EIF3J: variants seen among roughly 807,000 people sequenced by gnomAD.
EIF3J encodes eukaryotic translation initiation factor 3, subunit 1 (alpha, 35kD).
Under a neutral mutation model 39.0 loss-of-function variants are expected in EIF3J, and 15 were observed. The observed-to-expected ratio is 0.38, with a 90% CI of 0.26 to 0.59. The LOEUF is 0.59. Ranked by LOEUF, EIF3J falls within the 20% of genes least tolerant of loss-of-function variation. The probability of loss-of-function intolerance (pLI) is 0.60; values close to 1 mark genes in which losing one functional copy is unlikely to be tolerated. For missense variants in EIF3J, 226 were observed against 308.6 expected (o/e 0.73, Z 2.00); for synonymous variants, 98 against 112.9 (o/e 0.87, Z 0.84).
chr15:44,537,284 C>T, intron 1 of EIF3J, 40 bp from the exon 2 acceptor site: 2 of 1,565,564 alleles, frequency 1.3e-6, no homozygotes, highest in Middle Eastern at 1.7e-4. Flanking sequence ...GCCGGCCCCA[C>T]GCAGTGGCAG....
rs554000335 is a variant in EIF3J, at chr15:44,554,766, G to A, written c.409+99G>A. 3.7e-4 allele frequency: 238 copies of A among 641,128 alleles called. 1 individual carries two copies. Among genetic ancestry groups the A allele is most frequent in the Middle Eastern group, 3.4e-3 (13 of 3,814 alleles). The allele number at this position is 641,128 out of a possible 1,614,324, so 39.7% of individuals were successfully genotyped here. ...TCCTTTTCTTAAAAGAAACATACTG[G>A]CTAATGTAGATATTAGAAAGCAGTT... On this transcript the variant is annotated intron_variant, in intron 5 of 7. Coordinates refer to ENST00000261868, the MANE Select transcript of EIF3J (RefSeq NM_003758.4).
chr15:44,553,964 A>G (rs1417142898), intron 4 of EIF3J, among the ~76,000 whole-genome samples: 2 of 152,192 alleles, frequency 1.3e-5, no homozygotes, highest in African/African-American at 4.8e-5. Context: ...AAGGTTATAG[A>G]AGTAACCCCA....
chr15:44,556,483 A>G (rs1218204793), intron 5 of EIF3J, among the ~76,000 whole-genome samples: 1 of 152,068 alleles, frequency 6.6e-6, no homozygotes, highest in East Asian at 1.9e-4. Context: ...CGAGGGCTAC[A>G]GGTGAATATC....
intron 6 of EIF3J, among the ~76,000 whole-genome samples, chr15:44,558,173 G>T (rs1417304838): frequency 1.3e-5 from 2 of 152,204 alleles, no homozygotes; most frequent in African/African-American, 4.8e-5. Context: ...ACAGCCATGG[G>T]TGGTGAAGCA....
intron 4 of EIF3J, among the ~76,000 whole-genome samples, chr15:44,553,200 A>G (rs1276729335): frequency 6.6e-6 from 1 of 151,930 alleles, no homozygotes; most frequent in African/African-American, 2.4e-5. Flanking sequence ...CAAAAAAAAA[A>G]AGAAGAAAAC....
intron 2 of EIF3J, among the ~76,000 whole-genome samples, chr15:44,543,716 T>C (rs1410013136): frequency 6.6e-6 from 1 of 152,138 alleles, no homozygotes; most frequent in Non-Finnish European, 1.5e-5. Context: ...CTGGCCAGAA[T>C]CACTTCTTTT....
At chr15:44,560,177 G>C (rs1761145493) in intron 6 of EIF3J, 72 bp from the exon 7 acceptor site, 1 of 1,210,486 alleles carries the variant, frequency 8.3e-7, no homozygotes, top group East Asian at 2.3e-5. Context: ...TATATGGAAT[G>C]TACATATTTA....
Position 44,561,007 on chromosome 15 carries a change from T to TTCA in EIF3J, c.646-8_646-6dup. 1 of 1,612,596 alleles carries TTCA rather than the reference T, an allele frequency of 6.2e-7. No individual in the cohort carries two copies. The highest frequency in any genetic ancestry group is 8.5e-7 in the Non-Finnish European group (1 of 1,179,560). On this transcript the variant is annotated splice_polypyrimidine_tract_variant and intron_variant, in intron 7 of 7. Coordinates refer to ENST00000261868, the MANE Select transcript of EIF3J (RefSeq NM_003758.4). Reference sequence around the variant, plus strand: ...ACTAAGGTTCATGAATTAACTCTCTTTCATCTTTAGCAAAGCAAAGCCAAA... The same window carrying TTCA: ...ACTAAGGTTCATGAATTAACTCTCTTTCATCATCTTTAGCAAAGCAAAGCCAAA...
At chr15:44,548,871 T>C (rs2082075297) in intron 2 of EIF3J, among the ~76,000 whole-genome samples, 1 of 152,208 alleles carries the variant, frequency 6.6e-6, no homozygotes, top group Non-Finnish European at 1.5e-5. Context: ...ACATGAACTT[T>C]GGAGGACACA....
chr15:44,560,502 T>C (rs1708970609), intron 7 of EIF3J, 180 bp downstream of exon 7: 1 of 547,768 alleles, frequency 1.8e-6, no homozygotes, highest in South Asian at 3.1e-5. Flanking sequence ...CCAGACATGT[T>C]CCCCTTTTCT....
Position 44,562,311 on chromosome 15 carries a change from AC to A in EIF3J, c.*1164del, listed in dbSNP as rs1310030401. 1 of 152,600 alleles carries A rather than the reference AC, an allele frequency of 6.6e-6. No individual in the cohort carries two copies. The highest frequency in any genetic ancestry group is 1.9e-4 in the East Asian group (1 of 5,200). The allele number at this position is 152,600 out of a possible 1,614,324, so 9.5% of individuals were successfully genotyped here. A position where few individuals can be genotyped will look rare whatever the true frequency, so the allele number is the denominator to read the frequency against. On this transcript the variant is annotated 3_prime_UTR_variant, in exon 8 of 8. Coordinates refer to ENST00000261868, the MANE Select transcript of EIF3J (RefSeq NM_003758.4). ...GGGGACATTATTTTGTTATTTAGAT[AC>A]CAAGGCCTAATTAATTAAGTACCTA...
intron 2 of EIF3J, among the ~76,000 whole-genome samples, chr15:44,547,443 T>C (rs1207985347): frequency 7.2e-6 from 1 of 139,630 alleles, no homozygotes; most frequent in African/African-American, 2.8e-5. Context: ...CTTGATTCTT[T>C]TTTTTTTTTT....
chr15:44,538,993 A>G (rs2081985063), intron 2 of EIF3J, among the ~76,000 whole-genome samples: 1 of 151,824 alleles, frequency 6.6e-6, no homozygotes, highest in African/African-American at 2.4e-5. Flanking sequence ...GGATTAAGGG[A>G]TCTAAATGGT....
chr15:44,562,369 G>GTAAC lies in EIF3J; in HGVS notation c.*1222_*1225dup, dbSNP rs1237795400. ...CTATTTATTTGGAGTAACTGAGCCT[G>GTAAC]TAACTCAGGTTTATGGCTGTTAAGT... is the stretch of plus-strand genomic sequence containing the variant. On this transcript the variant is annotated 3_prime_UTR_variant, in exon 8 of 8. Coordinates refer to ENST00000261868, the MANE Select transcript of EIF3J (RefSeq NM_003758.4). 2 of 152,540 alleles carry GTAAC rather than the reference G, an allele frequency of 1.3e-5. No individual in the cohort carries two copies. Among genetic ancestry groups the GTAAC allele is most frequent in the South Asian group, 2.1e-4 (1 of 4,836 alleles). The allele number at this position is 152,540 out of a possible 1,614,324, so 9.4% of individuals were successfully genotyped here.
At chr15:44,550,337 G>A (rs1316439703) in intron 2 of EIF3J, among the ~76,000 whole-genome samples, 2 of 152,124 alleles carry the variant, frequency 1.3e-5, no homozygotes, top group Non-Finnish European at 2.9e-5. Context: ...AGTTGCCTAG[G>A]ATAGAGTGCA....
chr15:44,555,237 C>G (rs1425016311), intron 5 of EIF3J, among the ~76,000 whole-genome samples: 1 of 152,164 alleles, frequency 6.6e-6, no homozygotes, highest in Non-Finnish European at 1.5e-5. Flanking sequence ...CAGAGTGTTC[C>G]AGAGTAAGAG....
At chr15:44,551,729 A>C (rs1310460588) in intron 4 of EIF3J, among the ~76,000 whole-genome samples, 1 of 152,256 alleles carries the variant, frequency 6.6e-6, no homozygotes, top group Non-Finnish European at 1.5e-5. Flanking sequence ...AAGTTTTCAC[A>C]AACATTCAGG....
chr15:44,558,876 T>G (rs988912205), intron 6 of EIF3J: 5 of 152,226 alleles, frequency 3.3e-5, no homozygotes, highest in Admixed American at 6.5e-5. Context: ...CTGCATGTAC[T>G]AATTTTTTTC....
chr15:44,558,199 G>A (rs1355666424), intron 6 of EIF3J, among the ~76,000 whole-genome samples: 1 of 152,150 alleles, frequency 6.6e-6, no homozygotes, highest in Non-Finnish European at 1.5e-5. Flanking sequence ...GTATGGAAGG[G>A]ACTGGTTTTG....
Sources: allele counts gnomAD v4.1 joint callset (sites outside exome capture counted in the v4.1 genomes callset), GRCh38; gene constraint gnomAD v4.1.1; transcripts MANE v1.5; gene names NCBI Gene and HGNC (gene_info 2026-07-23, HGNC 2026-07-21).